GLIS3: variants seen among roughly 807,000 people sequenced by gnomAD.
GLIS3 encodes the protein zinc finger protein GLIS3.
In GLIS3, 53 loss-of-function variants were observed where a neutral mutation model predicts 78.6. The ratio of observed to expected loss-of-function variants is 0.67; its 90% CI spans 0.54 to 0.85. The LOEUF is 0.85. Among genes scored for constraint, GLIS3 ranks in the 40% least tolerant of loss-of-function variants. The probability of loss-of-function intolerance (pLI) is 0.00; values close to 1 mark genes in which losing one functional copy is unlikely to be tolerated. For missense variants in GLIS3, 1,703 were observed against 1,231.1 expected (o/e 1.38, Z -5.74); for synonymous variants, 684 against 509.9 (o/e 1.34, Z -4.60).
the GLIS3 span, among the ~76,000 whole-genome samples, chr9:4,425,961 G>C: frequency 6.6e-6 from 1 of 152,164 alleles, no homozygotes; most frequent in African/African-American, 2.4e-5. Context: ...CAGAACAGTG[G>C]TTTGCAAAGG....
the GLIS3 span, among the ~76,000 whole-genome samples, chr9:4,445,986 C>T: frequency 6.6e-6 from 1 of 152,136 alleles, no homozygotes; most frequent in African/African-American, 2.4e-5. Flanking sequence ...CCTAGAAATA[C>T]CAAAATTTTA....
At chr9:4,322,159 C>T (rs370569205) in intron 2 of GLIS3, among the ~76,000 whole-genome samples, 2 of 152,076 alleles carry the variant, frequency 1.3e-5, no homozygotes, top group African/African-American at 4.8e-5. Flanking sequence ...ATAGTTTGCT[C>T]AGAATGATGG....
intron 4 of GLIS3, among the ~76,000 whole-genome samples, chr9:3,950,063 C>G (rs1816574114): frequency 6.6e-6 from 1 of 152,234 alleles, no homozygotes; most frequent in South Asian, 2.1e-4. Flanking sequence ...TCTATTCACC[C>G]AGCAGCGCAG....
intron 2 of GLIS3, among the ~76,000 whole-genome samples, chr9:4,274,682 G>A (rs1054789264): frequency 1.3e-5 from 2 of 152,170 alleles, no homozygotes; most frequent in African/African-American, 4.8e-5. Context: ...CCAAGAAGGT[G>A]ACCACAGAAC....
chr9:4,481,964 C>G, the GLIS3 span, among the ~76,000 whole-genome samples: 1 of 152,020 alleles, frequency 6.6e-6, no homozygotes, highest in Admixed American at 6.5e-5. Context: ...TTTTAAAAAA[C>G]GTATGTCAAA....
At chr9:4,131,838 C>T (rs977659214) in intron 2 of GLIS3, among the ~76,000 whole-genome samples, 13 of 152,010 alleles carry the variant, frequency 8.6e-5, no homozygotes, top group Admixed American at 4.6e-4. Flanking sequence ...CTATCAAGCA[C>T]GCAGTAGGTA....
chr9:4,120,457 C>T (rs75531128), intron 3 of GLIS3, among the ~76,000 whole-genome samples: 5,066 of 152,318 alleles, frequency 0.033, 104 homozygotes, highest in Middle Eastern at 0.044. Flanking sequence ...CACAGTGGTT[C>T]TGGAACCATC....
At chr9:4,244,379 C>A (rs977102380) in intron 2 of GLIS3, among the ~76,000 whole-genome samples, 1 of 152,202 alleles carries the variant, frequency 6.6e-6, no homozygotes, top group Non-Finnish European at 1.5e-5. Context: ...CTGTTAATGT[C>A]AGACATGCTT....
rs139479120 is a variant in GLIS3, at chr9:3,997,076, G to A, written c.1711-59887C>T. Among the ~76,000 whole-genome samples, 1,432 of 152,252 alleles carry A rather than the reference G, an allele frequency of 9.4e-3. 13 individuals are homozygous for A. Among genetic ancestry groups the A allele is most frequent in the Non-Finnish European group, 0.015 (989 of 68,010 alleles). On this transcript the variant is annotated intron_variant, in intron 4 of 10. Coordinates refer to ENST00000381971, the MANE Select transcript of GLIS3 (RefSeq NM_001042413.2). The stretch of plus-strand genomic sequence containing the variant: ...TAAAAATTGAGTTGCGGCCGGGCGC[G>A]GTGGCTCACGCCTGTAATCCCAGCA...
intron 4 of GLIS3, among the ~76,000 whole-genome samples, chr9:4,002,995 G>GTGA (rs1362971934): frequency 6.6e-6 from 1 of 152,210 alleles, no homozygotes; most frequent in African/African-American, 2.4e-5. Flanking sequence ...ATCCGGTTTT[G>GTGA]TGAGAACAAT....
chr9:4,394,865 A>G, the GLIS3 span, among the ~76,000 whole-genome samples: 1 of 152,224 alleles, frequency 6.6e-6, no homozygotes. Flanking sequence ...TCTAACTATT[A>G]TGAATATCTT....
intron 2 of GLIS3, among the ~76,000 whole-genome samples, chr9:4,136,415 T>C (rs1173456678): frequency 6.6e-6 from 1 of 152,208 alleles, no homozygotes; most frequent in Non-Finnish European, 1.5e-5. Context: ...CTCATGGAGA[T>C]GTCCACAGTC....
chr9:4,128,267 T>C (rs994461884), intron 2 of GLIS3, among the ~76,000 whole-genome samples: 2 of 152,208 alleles, frequency 1.3e-5, no homozygotes, highest in African/African-American at 4.8e-5. Context: ...TAGGCAGATC[T>C]GACCACTGCT....
the GLIS3 span, among the ~76,000 whole-genome samples, chr9:4,458,401 G>A: frequency 3.9e-4 from 60 of 152,250 alleles, no homozygotes; most frequent in African/African-American, 1.2e-3. Flanking sequence ...CCAGGTAGTG[G>A]TAATTGCTAT....
At chr9:4,287,046 A>G (rs1828061287) in intron 1 of GLIS3, among the ~76,000 whole-genome samples, 1 of 152,226 alleles carries the variant, frequency 6.6e-6, no homozygotes, top group Admixed American at 6.5e-5. Context: ...TTCGAAAAAG[A>G]TGAACACCTA....
At chr9:3,890,087 T>A (rs1362720243) in intron 7 of GLIS3, among the ~76,000 whole-genome samples, 1 of 152,164 alleles carries the variant, frequency 6.6e-6, no homozygotes. Flanking sequence ...CAGGGCTACA[T>A]CCCAGCAATA....
chr9:4,277,595 T>C (rs1827147857), intron 2 of GLIS3, among the ~76,000 whole-genome samples: 1 of 152,160 alleles, frequency 6.6e-6, no homozygotes, highest in Non-Finnish European at 1.5e-5. Context: ...CAATAATGAA[T>C]AACCCACAAA....
chr9:4,281,948 G>A (rs191968183), intron 2 of GLIS3, among the ~76,000 whole-genome samples: 2 of 152,140 alleles, frequency 1.3e-5, no homozygotes, highest in Non-Finnish European at 2.9e-5. Flanking sequence ...TTAACACACT[G>A]TTTGGGAACC....
chr9:4,333,370 G>T (rs1367223902), intron 2 of GLIS3, among the ~76,000 whole-genome samples: 1 of 151,690 alleles, frequency 6.6e-6, no homozygotes, highest in African/African-American at 2.4e-5. Context: ...AGGAAAAAGG[G>T]AAGAAAGGAA....
Sources: gnomAD v4.1 joint callset for allele counts (sites outside exome capture counted in the v4.1 genomes callset) on GRCh38, gnomAD v4.1.1 for gene constraint, MANE v1.5 for transcripts, NCBI Gene and HGNC (gene_info 2026-07-23, HGNC 2026-07-21) for gene names.